Variants in NRG4 observed in about 807,000 individuals in gnomAD.
NRG4 encodes the protein pro-neuregulin-4, membrane-bound isoform.
NRG4 carries 10 observed loss-of-function variants against 15.0 expected under a neutral mutation model. That is an observed-to-expected ratio of 0.67 (90% confidence interval 0.41 to 1.13). The LOEUF is 1.13. Ranked by LOEUF, NRG4 falls within the 50% of genes most tolerant of loss-of-function variation. The pLI is 0.00. For missense variants in NRG4, 139 were observed against 140.2 expected, an observed-to-expected ratio of 0.99 and a Z score of 0.04; for synonymous variants, 41 against 50.1, an observed-to-expected ratio of 0.82 and a Z score of 0.77.
intron 3 of NRG4, chr15:75,971,132 C>T (rs1171408969): frequency 2.6e-6 from 1 of 381,054 alleles, no homozygotes; most frequent in Non-Finnish European, 5.2e-6. Context: ...AGTTTCATAC[C>T]TATTTGTAAA....
At chr15:75,958,883 G>C in intron 4 of NRG4, 1 of 158,976 alleles carries the variant, frequency 6.3e-6, no homozygotes, top group Middle Eastern at 3.1e-3. Context: ...AACACCTGTG[G>C]GGTACAATAT....
intron 5 of NRG4, among the ~76,000 whole-genome samples, chr15:76,031,692 C>T (rs890897786): frequency 6.6e-6 from 1 of 151,880 alleles, no homozygotes; most frequent in African/African-American, 2.4e-5. Flanking sequence ...AGCAAGATTC[C>T]GTCTCTCCAA....
intron 5 of NRG4, chr15:75,951,170 T>TTC (rs1555429658): frequency 2.3e-5 from 3 of 132,970 alleles, no homozygotes; most frequent in Non-Finnish European, 4.8e-5. Context: ...TTTCTTTTTT[T>TTC]TTTTTTTTTT....
chr15:75,957,391 G>A (rs2141803404), intron 4 of NRG4, among the ~76,000 whole-genome samples: 1 of 152,242 alleles, frequency 6.6e-6, no homozygotes, highest in South Asian at 2.1e-4. Flanking sequence ...GAAATTTGGG[G>A]TTAACTGTTT....
downstream of NRG4, chr15:75,936,387 A>G (rs796824395): frequency 5.3e-5 from 8 of 152,350 alleles, no homozygotes; most frequent in African/African-American, 1.9e-4. Flanking sequence ...AGAATGTGAT[A>G]CCAGAAAGTT....
chr15:75,992,175 T>C (rs917184418), intron 3 of NRG4, among the ~76,000 whole-genome samples: 1 of 152,202 alleles, frequency 6.6e-6, no homozygotes, highest in Non-Finnish European at 1.5e-5. Flanking sequence ...AGTTGTCATG[T>C]GTATTGCATC....
intron 3 of NRG4, among the ~76,000 whole-genome samples, chr15:75,991,911 C>T (rs904620521): frequency 6.6e-6 from 1 of 151,976 alleles, no homozygotes; most frequent in African/African-American, 2.4e-5. Flanking sequence ...GTCTACCATC[C>T]CACTGTTTCT....
chr15:76,008,534 G>A (rs755266906), intron 3 of NRG4, among the ~76,000 whole-genome samples: 17 of 152,118 alleles, frequency 1.1e-4, no homozygotes, highest in Non-Finnish European at 1.9e-4. Flanking sequence ...GTACTATGAT[G>A]TTAACTCATA....
intron 3 of NRG4, among the ~76,000 whole-genome samples, chr15:75,970,043 T>G (rs778103541): frequency 2.0e-5 from 3 of 152,222 alleles, no homozygotes; most frequent in Non-Finnish European, 4.4e-5. Context: ...AACTACAACC[T>G]TCTACTAAAT....
downstream of NRG4, chr15:75,940,716 G>A (rs1428013495): frequency 6.6e-6 from 1 of 151,998 alleles, no homozygotes; most frequent in Non-Finnish European, 1.5e-5. Context: ...TTTTGACAAG[G>A]GTGCCAAGGC....
At chr15:76,035,902 G>T (rs1469690659) in intron 5 of NRG4, 1 of 152,022 alleles carries the variant, frequency 6.6e-6, no homozygotes, top group Non-Finnish European at 1.5e-5. Context: ...ATAGATAAAC[G>T]TTGTGAAAAA....
downstream of NRG4, chr15:75,940,891 G>A (rs1349180465): frequency 6.6e-6 from 1 of 152,038 alleles, no homozygotes; most frequent in Non-Finnish European, 1.5e-5. Context: ...TGTGGCAGTG[G>A]TTTCTTGGAT....
intron 1 of NRG4, among the ~76,000 whole-genome samples, chr15:76,059,277 CAACT>C (rs2036235237): frequency 6.6e-6 from 1 of 152,172 alleles, no homozygotes; most frequent in Non-Finnish European, 1.5e-5. Flanking sequence ...CCCAGGCAGC[CAACT>C]GAGAGTCAAG....
Position 76,052,232 on chromosome 15 carries a change from G to A in NRG4, c.-215-55C>T, listed in dbSNP as rs1180380830. 4 of 150,926 alleles carry A rather than the reference G, an allele frequency of 2.7e-5. No homozygotes were observed. The East Asian group carries it at 7.7e-4, about 29-fold the overall frequency. The allele number at this position is 150,926 out of a possible 1,614,324, so 9.3% of individuals were successfully genotyped here. A position where few individuals can be genotyped will look rare whatever the true frequency, so the allele number is the denominator to read the frequency against. On this transcript the variant is annotated intron_variant, in intron 3 of 8. Transcript: ENST00000563910. The stretch of plus-strand genomic sequence containing the variant: ...TTATATAACAATTTTAGTAATACAC[G>A]AAGAGAAGGAAAGTAGAATATATAT...
intron 4 of NRG4, among the ~76,000 whole-genome samples, chr15:76,038,648 AT>A (rs2035653573): frequency 6.6e-6 from 1 of 152,218 alleles, no homozygotes; most frequent in Non-Finnish European, 1.5e-5. Context: ...TAGCTCCCAG[AT>A]GGCATCTCTG....
intron 3 of NRG4, among the ~76,000 whole-genome samples, chr15:75,981,994 T>C (rs577244410): frequency 6.6e-6 from 1 of 152,044 alleles, no homozygotes; most frequent in South Asian, 2.1e-4. Flanking sequence ...AAAATTCAAA[T>C]AGATCATTCT....
downstream of NRG4, chr15:75,938,637 A>G (rs2030618018): frequency 6.6e-6 from 1 of 152,216 alleles, no homozygotes; most frequent in Non-Finnish European, 1.5e-5. Context: ...AATTTTCACT[A>G]CAGGGGTTCA....
rs868243556 is a variant in NRG4, at chr15:76,029,631, G to A, written c.-57+6313C>T. ...AACATCAGCAGTATTTCTGTACATG[G>A]ATGATTAACTAAACTGAAAAAGGAA... On this transcript the variant is annotated intron_variant, in intron 5 of 8. Transcript: ENST00000563910. Among the ~76,000 whole-genome samples, 24 of 152,124 alleles carry A rather than the reference G, an allele frequency of 1.6e-4. 1 individual carries two copies. Among genetic ancestry groups the A allele is most frequent in the Admixed American group, 1.2e-3 (18 of 15,266 alleles).
intron 3 of NRG4, among the ~76,000 whole-genome samples, chr15:75,980,490 T>TACTCG (rs2033563133): frequency 6.6e-6 from 1 of 151,814 alleles, no homozygotes; most frequent in Admixed American, 6.6e-5. Context: ...GGATAAAGGA[T>TACTCG]ACTCAACCTG....
Sources: gnomAD v4.1 joint callset for allele counts (sites outside exome capture counted in the v4.1 genomes callset) on GRCh38, gnomAD v4.1.1 for gene constraint, MANE v1.5 for transcripts, NCBI Gene and HGNC (gene_info 2026-07-23, HGNC 2026-07-21) for gene names.